Variants in TBC1D22A observed in about 807,000 individuals in gnomAD.
TBC1D22A encodes putative GTPase activator.
Under a neutral mutation model 60.2 loss-of-function variants are expected in TBC1D22A, and 38 were observed. That is an observed-to-expected ratio of 0.63 (90% CI 0.49 to 0.83). The LOEUF (loss-of-function observed/expected upper bound fraction) is 0.83, where lower values mean the gene tolerates loss of function less well. Ranked by LOEUF, TBC1D22A falls within the 40% of genes least tolerant of loss-of-function variation. The pLI, the probability that TBC1D22A is intolerant of heterozygous loss-of-function variation, is 0.00. For synonymous variants in TBC1D22A, 302 were observed against 281.7 expected (o/e 1.07, Z -0.72); for missense variants, 628 against 701.0 (o/e 0.90, Z 1.18).
intron 12 of TBC1D22A, among the ~76,000 whole-genome samples, chr22:47,121,212 G>A (rs746816135): frequency 1.3e-5 from 2 of 152,226 alleles, no homozygotes; most frequent in Non-Finnish European, 2.9e-5. Context: ...AATAAGCACC[G>A]CTTTTAGCGA....
At chr22:47,050,796 G>T (rs1455452801) in intron 11 of TBC1D22A, among the ~76,000 whole-genome samples, 3 of 152,152 alleles carry the variant, frequency 2.0e-5, no homozygotes, top group South Asian at 2.1e-4. Flanking sequence ...CGGTGGAGGT[G>T]GGGGGATGGT....
intron 4 of TBC1D22A, among the ~76,000 whole-genome samples, chr22:46,860,271 T>C (rs11703849): frequency 7.8e-5 from 4 of 51,376 alleles, no homozygotes; most frequent in South Asian, 1.8e-3. Context: ...CGCGCAGTGC[T>C]GTGCCCCTTC....
At chr22:46,985,844 T>C (rs928391281) in intron 9 of TBC1D22A, among the ~76,000 whole-genome samples, 1 of 152,254 alleles carries the variant, frequency 6.6e-6, no homozygotes, top group African/African-American at 2.4e-5. Flanking sequence ...CAATCCTTTG[T>C]CAAGACAGAT....
chr22:47,092,715 T>C (rs2065025316), intron 11 of TBC1D22A, among the ~76,000 whole-genome samples: 1 of 152,244 alleles, frequency 6.6e-6, no homozygotes, highest in South Asian at 2.1e-4. Flanking sequence ...CTGACCCCTA[T>C]GCTCTTTTAG....
intron 12 of TBC1D22A, among the ~76,000 whole-genome samples, chr22:47,158,928 A>G (rs899379767): frequency 2.6e-5 from 4 of 151,784 alleles, no homozygotes; most frequent in Admixed American, 6.6e-5. Flanking sequence ...CATCACATGC[A>G]CTCACCATGT....
At chr22:46,796,116 G>A (rs1018722189) in intron 3 of TBC1D22A, among the ~76,000 whole-genome samples, 1 of 152,190 alleles carries the variant, frequency 6.6e-6, no homozygotes, top group Non-Finnish European at 1.5e-5. Context: ...CAAGGGCACT[G>A]AGGCTGGTGG....
intron 12 of TBC1D22A, among the ~76,000 whole-genome samples, chr22:47,165,878 G>A (rs965271734): frequency 6.6e-6 from 1 of 152,240 alleles, no homozygotes; most frequent in Non-Finnish European, 1.5e-5. Flanking sequence ...GGCTGCACAC[G>A]CGGAGTGTCA....
intron 7 of TBC1D22A, among the ~76,000 whole-genome samples, chr22:46,903,626 C>T (rs1161664969): frequency 4.6e-5 from 7 of 152,140 alleles, no homozygotes; most frequent in African/African-American, 1.4e-4. Flanking sequence ...CTGAGAGGCC[C>T]CCTCAATGTT....
At chr22:46,913,439 A>G (rs1173836717) in intron 8 of TBC1D22A, 18 of 1,363,792 alleles carry the variant, frequency 1.3e-5, no homozygotes, top group Non-Finnish European at 1.8e-5. Context: ...AGATGAGGAC[A>G]TATCCAAGTA....
At position 46,920,088 on chromosome 22, in the gene TBC1D22A, A is replaced by ATGTATGTATGTATGTATGT. The variant is rs60783794; in HGVS notation, c.1015+7900_1015+7901insTGTATGTATGTATGTATGT. ...GTATGTATGTATGTATGTATGTATG[A>ATGTATGTATGTATGTATGT]ATGAAGGAGAGAGACAGAGTGTTGC... is the stretch of plus-strand genomic sequence containing the variant. On this transcript the variant is annotated intron_variant, in intron 8 of 12. Transcript: ENST00000337137. Among the ~76,000 whole-genome samples, 941 of 145,884 alleles carry ATGTATGTATGTATGTATGT rather than the reference A, an allele frequency of 6.5e-3. 7 individuals carry two copies. Among genetic ancestry groups the ATGTATGTATGTATGTATGT allele is most frequent in the African/African-American group, 0.015 (594 of 40,120 alleles).
intron 7 of TBC1D22A, among the ~76,000 whole-genome samples, chr22:46,899,088 C>G (rs1406043758): frequency 6.6e-6 from 1 of 152,132 alleles, no homozygotes; most frequent in African/African-American, 2.4e-5. Context: ...AGTGGGTAAC[C>G]TGAGCACAGC....
intron 11 of TBC1D22A, among the ~76,000 whole-genome samples, chr22:47,074,744 C>T (rs1438961682): frequency 1.3e-5 from 2 of 152,208 alleles, no homozygotes; most frequent in East Asian, 1.9e-4. Flanking sequence ...TGAGAGCCAT[C>T]CTACCGCCTT....
chr22:47,076,678 C>G (rs1209605773), intron 11 of TBC1D22A, among the ~76,000 whole-genome samples: 1 of 152,044 alleles, frequency 6.6e-6, no homozygotes, highest in African/African-American at 2.4e-5. Flanking sequence ...GTTCTCCTCC[C>G]TGACCTCCAT....
intron 4 of TBC1D22A, among the ~76,000 whole-genome samples, chr22:46,854,582 T>C (rs190544201): frequency 6.2e-4 from 93 of 149,782 alleles, no homozygotes; most frequent in African/African-American, 2.0e-3. Flanking sequence ...CGCTAATTCC[T>C]TCAGCCTTTC....
At chr22:46,906,497 G>A (rs1445502600) in intron 7 of TBC1D22A, among the ~76,000 whole-genome samples, 1 of 152,196 alleles carries the variant, frequency 6.6e-6, no homozygotes, top group Admixed American at 6.5e-5. Flanking sequence ...CAGGAAAGAC[G>A]CTCAGGCCTC....
At chr22:46,774,855 C>T (rs546720153) in intron 1 of TBC1D22A, among the ~76,000 whole-genome samples, 6 of 151,980 alleles carry the variant, frequency 3.9e-5, no homozygotes, top group Non-Finnish European at 5.9e-5. Flanking sequence ...CCATCCTCTT[C>T]CTTCTCATGT....
intron 9 of TBC1D22A, among the ~76,000 whole-genome samples, chr22:46,995,429 A>T (rs1190462234): frequency 1.3e-5 from 2 of 152,032 alleles, no homozygotes; most frequent in Non-Finnish European, 2.9e-5. Context: ...CCTCGTAGGC[A>T]TTTTTTGTGT....
intron 4 of TBC1D22A, among the ~76,000 whole-genome samples, chr22:46,861,583 T>G (rs2087889147): frequency 6.6e-6 from 1 of 152,240 alleles, no homozygotes; most frequent in African/African-American, 2.4e-5. Context: ...CATCCTCAGA[T>G]TCTGTCTCTC....
At chr22:46,924,570 C>A (rs1054369978) in intron 8 of TBC1D22A, among the ~76,000 whole-genome samples, 11 of 152,074 alleles carry the variant, frequency 7.2e-5, no homozygotes, top group Non-Finnish European at 1.0e-4. Context: ...CGTGGTGAAA[C>A]CCCTTCTCTA....
Sources: allele counts gnomAD v4.1 joint callset (sites outside exome capture counted in the v4.1 genomes callset), GRCh38; gene constraint gnomAD v4.1.1; transcripts MANE v1.5; gene names NCBI Gene and HGNC (gene_info 2026-07-23, HGNC 2026-07-21).